SPEF2: variants seen among roughly 807,000 people sequenced by gnomAD.
SPEF2 encodes the protein sperm flagella and cilia-associated protein 2.
In SPEF2, 187 loss-of-function variants were observed where a neutral mutation model predicts 224.6. The observed-to-expected ratio is 0.83, with a 90% CI of 0.74 to 0.94. The LOEUF (loss-of-function observed/expected upper bound fraction) is 0.94, where lower values mean the gene tolerates loss of function less well. Among genes scored for constraint, SPEF2 ranks in the 40% least tolerant of loss-of-function variants. The probability of loss-of-function intolerance (pLI) is 0.00; values close to 1 mark genes in which losing one functional copy is unlikely to be tolerated. For synonymous variants in SPEF2, 715 were observed against 707.3 expected (o/e 1.01, Z -0.17); for missense variants, 2,170 against 2,135.6 (o/e 1.02, Z -0.32).
At chr5:35,804,673 C>T (rs1757846902) in intron 34 of SPEF2, among the ~76,000 whole-genome samples, 1 of 152,120 alleles carries the variant, frequency 6.6e-6, no homozygotes, top group African/African-American at 2.4e-5. Context: ...AAGGATTATT[C>T]ACTCTGACAT....
intron 21 of SPEF2, among the ~76,000 whole-genome samples, chr5:35,732,119 T>C (rs1745734295): frequency 6.6e-6 from 1 of 152,192 alleles, no homozygotes; most frequent in South Asian, 2.1e-4. Flanking sequence ...GAATAAGTCT[T>C]GTTGAGCTGA....
chr5:35,703,101 TA>T (rs1738993155), intron 16 of SPEF2, among the ~76,000 whole-genome samples: 1 of 104,560 alleles, frequency 9.6e-6, no homozygotes, highest in East Asian at 2.1e-4. Flanking sequence ...GTTACTTTTT[TA>T]TTTTTTTTTT....
intron 10 of SPEF2, among the ~76,000 whole-genome samples, chr5:35,674,534 G>A (rs1272886353): frequency 3.6e-5 from 3 of 83,778 alleles, no homozygotes; most frequent in Admixed American, 1.9e-4. Context: ...CCCCTCCCCC[G>A]ACCCCAAAAC....
intron 28 of SPEF2, among the ~76,000 whole-genome samples, chr5:35,775,850 G>A (rs1479850937): frequency 2.6e-5 from 4 of 152,160 alleles, no homozygotes; most frequent in African/African-American, 9.7e-5. Context: ...AATAGGCCCA[G>A]GGGCACATGG....
intron 5 of SPEF2, 112 bp from the exon 6 acceptor site, chr5:35,649,249 A>G: frequency 1.2e-6 from 1 of 852,454 alleles, no homozygotes; most frequent in Non-Finnish European, 1.8e-6. Context: ...TTCATATCCT[A>G]ATTACCTTGA....
In SPEF2 at chr5:35,695,720, T is replaced by G. The variant is rs1418454705; in HGVS notation, c.1976-15T>G. The stretch of plus-strand genomic sequence containing the variant: ...AATACCAGAAATTTGTTCTTACCAC[T>G]TTTCCTATTGCTAGGTGCTAATGCT... On this transcript the variant is annotated splice_polypyrimidine_tract_variant and intron_variant, in intron 13 of 36. Transcript: ENST00000356031. 2 of 1,602,742 alleles carry G rather than the reference T, an allele frequency of 1.2e-6. No individual in the cohort carries two copies. Among genetic ancestry groups the G allele is most frequent in the Non-Finnish European group, 1.7e-6 (2 of 1,174,282 alleles).
chr5:35,800,445 A>G (rs2361394), intron 34 of SPEF2, among the ~76,000 whole-genome samples: 5,880 of 152,290 alleles, frequency 0.039, 182 homozygotes, highest in South Asian at 0.075. Flanking sequence ...ATCCTGATAA[A>G]TGAAACAGAA....
intron 14 of SPEF2, among the ~76,000 whole-genome samples, chr5:35,696,753 A>T (rs1174772432): frequency 6.6e-6 from 1 of 152,148 alleles, no homozygotes; most frequent in Non-Finnish European, 1.5e-5. Flanking sequence ...GGAAACATGG[A>T]GTGGAGGAAG....
At chr5:35,792,129 G>A (rs1756049936) in intron 30 of SPEF2, among the ~76,000 whole-genome samples, 1 of 151,894 alleles carries the variant, frequency 6.6e-6, no homozygotes, top group African/African-American at 2.4e-5. Flanking sequence ...GCCAAAAAAG[G>A]CATTTTGACT....
At chr5:35,759,015 A>AAG (rs772476036) in intron 24 of SPEF2, among the ~76,000 whole-genome samples, 2 of 150,546 alleles carry the variant, frequency 1.3e-5, no homozygotes, top group African/African-American at 2.4e-5. Flanking sequence ...CAAAAAAAAA[A>AAG]AAAAAAAAAA....
intron 16 of SPEF2, 110 bp downstream of exon 16, chr5:35,700,862 C>T (rs969317528): frequency 1.7e-6 from 2 of 1,197,942 alleles, no homozygotes; most frequent in African/African-American, 3.1e-5. Context: ...TAATCCACTT[C>T]AGCCTATCAA....
At chr5:35,803,622 C>G (rs1757724277) in intron 34 of SPEF2, among the ~76,000 whole-genome samples, 1 of 152,206 alleles carries the variant, frequency 6.6e-6, no homozygotes, top group South Asian at 2.1e-4. Flanking sequence ...TTCTCACTCA[C>G]TCCTCATCCC....
At chr5:35,737,588 A>C (rs1456856012) in intron 21 of SPEF2, among the ~76,000 whole-genome samples, 6 of 152,120 alleles carry the variant, frequency 3.9e-5, no homozygotes, top group Non-Finnish European at 7.4e-5. Context: ...GTATATGTGC[A>C]AAATTTTCTT....
At chr5:35,666,986 G>A in intron 8 of SPEF2, 86 bp from the exon 9 acceptor site, 1 of 1,296,836 alleles carries the variant, frequency 7.7e-7, no homozygotes, top group Non-Finnish European at 1.1e-6. Flanking sequence ...TCATTCTACT[G>A]AAAGACTTTT....
At chr5:35,793,058 T>A (rs1293406054) in intron 31 of SPEF2, 101 bp from the exon 32 acceptor site, 1 of 1,106,062 alleles carries the variant, frequency 9.0e-7, no homozygotes, top group African/African-American at 1.6e-5. Flanking sequence ...TGAAAAGTCC[T>A]ACTTCTTTCA....
intron 2 of SPEF2, among the ~76,000 whole-genome samples, chr5:35,640,201 G>A (rs1746416151): frequency 6.6e-6 from 1 of 151,996 alleles, no homozygotes; most frequent in African/African-American, 2.4e-5. Flanking sequence ...TTTGGAAATG[G>A]GTAATGTTTG....
chr5:35,715,866 T>A (rs1742477658), intron 20 of SPEF2, among the ~76,000 whole-genome samples: 1 of 148,050 alleles, frequency 6.8e-6, no homozygotes, highest in African/African-American at 2.5e-5. Context: ...GGGGTATAAT[T>A]TCTAAAGTAA....
rs1274545896 is a variant in SPEF2 at position 35,814,515 on chromosome 5, G to A, written c.5431G>A (p.Glu1811Lys). 1 of 1,609,520 alleles carries A rather than the reference G, an allele frequency of 6.2e-7. No individual in the cohort carries two copies. Among genetic ancestry groups the A allele is most frequent in the Non-Finnish European group, 8.5e-7 (1 of 1,177,396 alleles). The change falls in exon 37 of 37, where the codon GAG becomes AAG. Residue 1811 changes from glutamate (E) to lysine (K), a missense_variant. Physicochemically the swap from Glu to Lys is moderately conservative, Grantham distance 56. Transcript: ENST00000356031. ...TGAACATGTACAAGGAAGTGATGGA[G>A]AGAGATCACCTTCAAGACATACAGA... The part of the protein sequence containing the change: ...RSEHVQGSDG[E>K]RSPSRHTEEK...
intron 23 of SPEF2, among the ~76,000 whole-genome samples, chr5:35,747,623 C>G (rs1748754382): frequency 6.6e-6 from 1 of 152,148 alleles, no homozygotes; most frequent in Non-Finnish European, 1.5e-5. Flanking sequence ...CCTTGTGCAA[C>G]AGGAAAATAT....
Sources: allele counts gnomAD v4.1 joint callset (sites outside exome capture counted in the v4.1 genomes callset), GRCh38; gene constraint gnomAD v4.1.1; transcripts MANE v1.5; gene names NCBI Gene and HGNC (gene_info 2026-07-23, HGNC 2026-07-21).